The following HYDIN variants were observed in gnomAD, a reference collection of about 807,000 sequenced individuals.
HYDIN encodes axonemal central pair apparatus protein HYDIN.
A neutral mutation model predicts 403.9 loss-of-function variants in HYDIN; 132 were observed. The ratio of observed to expected loss-of-function variants is 0.33; its 90% CI spans 0.28 to 0.38. The LOEUF (loss-of-function observed/expected upper bound fraction) is 0.38. Among genes scored for constraint, HYDIN ranks in the 10% least tolerant of loss-of-function variants. The pLI, the probability that HYDIN is intolerant of heterozygous loss-of-function variation, is 1.00. For synonymous variants in HYDIN, 1,202 were observed against 1,891.7 expected, an observed-to-expected ratio of 0.64 and a Z score of 9.46; for missense variants, 2,827 against 5,009.5, an observed-to-expected ratio of 0.56 and a Z score of 13.15.
At chr16:71,173,746 A>G (rs753625165) in intron 5 of HYDIN, among the ~76,000 whole-genome samples, 1 of 152,214 alleles carries the variant, frequency 6.6e-6, no homozygotes, top group Non-Finnish European at 1.5e-5. Flanking sequence ...ATGTTTTGAC[A>G]AATGAATTCA....
At chr16:70,930,645 T>C (rs1024827025) in intron 45 of HYDIN, among the ~76,000 whole-genome samples, 2 of 152,202 alleles carry the variant, frequency 1.3e-5, no homozygotes, top group African/African-American at 4.8e-5. Context: ...CCTAAATCTC[T>C]GGCTGGCTGA....
Position 70,882,824 on chromosome 16 carries a change from T to G in HYDIN, c.10051A>C (p.Ile3351Leu), listed in dbSNP as rs745348010. 6.5e-7 allele frequency: 1 copy of G among 1,530,588 alleles called. No individual in the cohort carries two copies. The highest frequency in any genetic ancestry group is 1.4e-5 in the African/African-American group (1 of 73,562). 94.8% of individuals were successfully genotyped at this position (1,530,588 alleles called of 1,614,324 possible). A position where few individuals can be genotyped will look rare whatever the true frequency, so the allele number is the denominator to read the frequency against. The change falls in exon 60 of 86, where the codon ATC becomes CTC. Residue 3351 changes from isoleucine (I) to leucine (L), a missense_variant. Coordinates refer to ENST00000393567, the MANE Select transcript of HYDIN (RefSeq NM_001270974.2). Reference sequence around the variant, plus strand: ...CCCCCGCTCTCTATGGTCTGCAGGATGTGGTGCAGGTTGGCACTGGTACAT... The same window carrying G: ...CCCCCGCTCTCTATGGTCTGCAGGAGGTGGTGCAGGTTGGCACTGGTACAT... ...QICTSANLHH[I>L]LQTIESGGLF...
chr16:71,050,471 C>G (rs371948148), intron 18 of HYDIN, among the ~76,000 whole-genome samples: 2,259 of 151,096 alleles, frequency 0.015, 17 homozygotes, highest in African/African-American at 0.051. Context: ...AGAAAAAAAT[C>G]AACCAACTAT....
At chr16:71,062,090 G>A (rs1197039599) in intron 17 of HYDIN, 79 bp downstream of exon 17, 31 of 1,134,400 alleles carry the variant, frequency 2.7e-5, no homozygotes, top group Non-Finnish European at 3.9e-5. Flanking sequence ...AATATGGTGT[G>A]GGCCTCAAAT....
At chr16:70,997,172 A>G (rs2079557912) in intron 23 of HYDIN, among the ~76,000 whole-genome samples, 1 of 147,404 alleles carries the variant, frequency 6.8e-6, no homozygotes. Context: ...CAGGAGGAAG[A>G]GCTCAGGTAG....
At chr16:70,818,635 C>A in intron 83 of HYDIN, 63 bp from the exon 84 acceptor site, 1 of 644,550 alleles carries the variant, frequency 1.6e-6, no homozygotes. Flanking sequence ...GGGTCCTCTG[C>A]ACATTTTCAG....
chr16:71,177,815 C>T (rs1032282572), intron 4 of HYDIN, among the ~76,000 whole-genome samples: 2 of 152,204 alleles, frequency 1.3e-5, no homozygotes, highest in African/African-American at 2.4e-5. Flanking sequence ...TTCTGCATTA[C>T]TTTCTTTCAT....
chr16:70,904,531 G>GTTTTTTTTTTTTTTTTTT (rs1567802705), intron 50 of HYDIN, among the ~76,000 whole-genome samples: 2 of 22,758 alleles, frequency 8.8e-5, no homozygotes, highest in Non-Finnish European at 1.6e-4. Flanking sequence ...AGGGAGTTTC[G>GTTTTTTTTTTTTTTTTTT]TTCTTGTTGC....
intron 35 of HYDIN, among the ~76,000 whole-genome samples, chr16:70,971,978 T>C (rs1321811861): frequency 5.9e-5 from 9 of 152,208 alleles, no homozygotes; most frequent in Non-Finnish European, 1.2e-4. Context: ...ATTTCTCTCT[T>C]AATTGGTGGA....
chr16:71,108,721 A>T (rs910274230), intron 10 of HYDIN, among the ~76,000 whole-genome samples: 4 of 152,274 alleles, frequency 2.6e-5, no homozygotes, highest in East Asian at 1.9e-4. Context: ...ATTAAAAAAA[A>T]ATTTTTAAGA....
intron 4 of HYDIN, among the ~76,000 whole-genome samples, chr16:71,178,429 A>AT (rs1380244267): frequency 0.015 from 1,785 of 119,138 alleles, 10 homozygotes; most frequent in South Asian, 0.057. Flanking sequence ...CAAAAAAAAA[A>AT]AAAAAATATA....
chr16:70,854,421 A>AT (rs970085946), intron 73 of HYDIN, among the ~76,000 whole-genome samples: 64 of 140,730 alleles, frequency 4.5e-4, no homozygotes, highest in Non-Finnish European at 7.9e-4. Flanking sequence ...TTATTTATTA[A>AT]TTTTTTTTTT....
At chr16:71,110,091 C>G (rs2144440469) in intron 10 of HYDIN, among the ~76,000 whole-genome samples, 1 of 136,876 alleles carries the variant, frequency 7.3e-6, no homozygotes, top group Middle Eastern at 3.6e-3. Context: ...CATTCACATG[C>G]AAGGGAGAGG....
At chr16:70,857,655 C>G (rs1288436877) in intron 72 of HYDIN, 50 bp downstream of exon 72, 2 of 1,100,804 alleles carry the variant, frequency 1.8e-6, no homozygotes, top group East Asian at 5.2e-5. Flanking sequence ...TCTTGATGAC[C>G]TTGCCCAGAT....
Position 70,892,483 on chromosome 16 carries a change from T to A in HYDIN, c.9295A>T (p.Met3099Leu). ...CCCTTTTTGGGTTGGACTGAGATCA[T>A]GGAATTTATATTAGGTGTTGAAATC... is the stretch of plus-strand genomic sequence containing the variant. ...VGISTPNINS[M>L]ISVQPKKGSL... is the part of the protein sequence containing the mutation. The change falls in exon 56 of 86, where the codon ATG becomes TTG. Residue 3099 changes from methionine to leucine, a missense_variant. Physicochemically the swap from Met to Leu is conservative, Grantham distance 15. Coordinates refer to ENST00000393567, the MANE Select transcript of HYDIN (RefSeq NM_001270974.2). 1 of 1,598,388 alleles carries A rather than the reference T, an allele frequency of 6.3e-7. No homozygotes were observed. Among genetic ancestry groups the A allele is most frequent in the African/African-American group, 1.4e-5 (1 of 73,804 alleles).
At chr16:70,826,745 C>CTCTCTG (rs1555536429) in intron 83 of HYDIN, among the ~76,000 whole-genome samples, 2 of 122,662 alleles carry the variant, frequency 1.6e-5, no homozygotes, top group African/African-American at 3.5e-5. Flanking sequence ...CTCTCTCTCT[C>CTCTCTG]TGTGTGTGTG....
chr16:70,852,590 C>T (rs535575627), intron 73 of HYDIN: 22 of 141,082 alleles, frequency 1.6e-4, no homozygotes, highest in Non-Finnish European at 2.3e-4. Context: ...ATGTAAAGAA[C>T]TCTCAAAAAT....
chr16:70,819,606 T>G (rs1261046001), intron 83 of HYDIN, among the ~76,000 whole-genome samples: 1 of 146,780 alleles, frequency 6.8e-6, no homozygotes. Context: ...TAAGTTCTTT[T>G]CCCTGGTGAC....
chr16:71,098,124 C>T (rs996098901), intron 10 of HYDIN, among the ~76,000 whole-genome samples: 2 of 151,930 alleles, frequency 1.3e-5, no homozygotes, highest in Non-Finnish European at 1.5e-5. Context: ...CTGCTCCATC[C>T]GATCCCTGGA....
Sources: gnomAD v4.1 joint callset for allele counts (sites outside exome capture counted in the v4.1 genomes callset) on GRCh38, gnomAD v4.1.1 for gene constraint, MANE v1.5 for transcripts, NCBI Gene and HGNC (gene_info 2026-07-23, HGNC 2026-07-21) for gene names.